FSHR: variants seen among roughly 807,000 people sequenced by gnomAD.
FSHR encodes follicle stimulating hormone receptor, also known as follicle-stimulating hormone receptor.
A neutral mutation model predicts 52.1 loss-of-function variants in FSHR; 46 were observed. The observed-to-expected ratio is 0.88, with a 90% CI of 0.70 to 1.13. The LOEUF is 1.13. Among genes scored for constraint, FSHR ranks in the 50% most tolerant of loss-of-function variants. The pLI, the probability that FSHR is intolerant of heterozygous loss-of-function variation, is 0.00. For synonymous variants in FSHR, 399 were observed against 309.6 expected (o/e 1.29, Z -3.03); for missense variants, 964 against 834.6 (o/e 1.16, Z -1.91).
In FSHR at chr2:49,154,502, A is replaced by G; in HGVS notation, c.-85T>C. 3 of 1,382,598 alleles carry G rather than the reference A, an allele frequency of 2.2e-6. No individual in the cohort carries two copies. The highest frequency in any genetic ancestry group is 3.1e-6 in the Non-Finnish European group (3 of 981,546). 85.6% of individuals were successfully genotyped at this position (1,382,598 alleles called of 1,614,324 possible). A position where few individuals can be genotyped will look rare whatever the true frequency, so the allele number is the denominator to read the frequency against. On this transcript the variant is annotated 5_prime_UTR_variant, in exon 1 of 10. Coordinates refer to ENST00000406846, the MANE Select transcript of FSHR (RefSeq NM_000145.4). ...CTCAGAAGCTCCACACAGTGCCCTT[A>G]TGAGAAGAGATCTGACTTGAGAACT...
chr2:49,050,173 T>C (rs1668803123), intron 2 of FSHR, among the ~76,000 whole-genome samples: 1 of 152,208 alleles, frequency 6.6e-6, no homozygotes, highest in Non-Finnish European at 1.5e-5. Flanking sequence ...ACGTTTGACC[T>C]GGGTCAATAA....
intron 1 of FSHR, among the ~76,000 whole-genome samples, chr2:49,109,119 A>G (rs1354928159): frequency 6.6e-6 from 1 of 152,148 alleles, no homozygotes; most frequent in East Asian, 1.9e-4. Flanking sequence ...ATCTCCACAG[A>G]TAAATTTGAG....
chr2:49,055,948 C>T (rs1572687236), intron 2 of FSHR, among the ~76,000 whole-genome samples: 1 of 152,028 alleles, frequency 6.6e-6, no homozygotes, highest in South Asian at 2.1e-4. Context: ...AAACCAACAT[C>T]ATGACAACAT....
chr2:49,068,181 C>T (rs761428369), intron 2 of FSHR, 38 bp downstream of exon 2: 1 of 1,531,774 alleles, frequency 6.5e-7, no homozygotes, highest in South Asian at 1.1e-5. Flanking sequence ...CCTATAGCCC[C>T]CTTGAGGCAT....
chr2:49,069,420 T>G (rs2103621408), intron 1 of FSHR, among the ~76,000 whole-genome samples: 1 of 152,256 alleles, frequency 6.6e-6, no homozygotes, highest in East Asian at 1.9e-4. Flanking sequence ...TTTAAAATGA[T>G]AATCTCCCAA....
At chr2:48,972,905 T>G (rs1470279657) in intron 8 of FSHR, among the ~76,000 whole-genome samples, 3 of 152,182 alleles carry the variant, frequency 2.0e-5, no homozygotes. Flanking sequence ...GAGAAACAAA[T>G]TTTTATACTC....
At chr2:48,994,067 A>T (rs1278041511) in intron 4 of FSHR, among the ~76,000 whole-genome samples, 2 of 152,132 alleles carry the variant, frequency 1.3e-5, no homozygotes, top group African/African-American at 4.8e-5. Flanking sequence ...TTTCCCTGAA[A>T]ACCCAATGTT....
At position 49,154,429 on chromosome 2, in the gene FSHR, C is replaced by G. The variant is rs976201754; in HGVS notation, c.-12G>C. The G allele has an allele frequency of 5.6e-6, 9 of 1,611,796 alleles. No individual in the cohort carries two copies. The highest frequency in any genetic ancestry group is 4.0e-5 in the African/African-American group (3 of 74,846). ...AGGAGCAGGGCCATAATTATGCATC[C>G]ATCCACCTGATTTCTTCCTGCATTT... is the stretch of plus-strand genomic sequence containing the variant. On this transcript the variant is annotated 5_prime_UTR_variant, in exon 1 of 10. The change abolishes an upstream ATG in the 5' untranslated region. Transcript: ENST00000406846.
At chr2:48,977,543 CCACACTATCACTT>C (rs1675046905) in intron 8 of FSHR, among the ~76,000 whole-genome samples, 1 of 151,970 alleles carries the variant, frequency 6.6e-6, no homozygotes, top group Admixed American at 6.6e-5. Flanking sequence ...CTGTCTCCTC[CCACACTATCACTT>C]CACGTGTTAA....
At chr2:49,084,473 G>A (rs1316346291) in intron 1 of FSHR, among the ~76,000 whole-genome samples, 1 of 152,140 alleles carries the variant, frequency 6.6e-6, no homozygotes, top group African/African-American at 2.4e-5. Flanking sequence ...AAAGCTAGCA[G>A]AAGGCAAGAA....
At chr2:48,992,368 G>C (rs1298802387) in intron 4 of FSHR, among the ~76,000 whole-genome samples, 2 of 152,020 alleles carry the variant, frequency 1.3e-5, no homozygotes, top group Non-Finnish European at 2.9e-5. Context: ...AGCAACCACT[G>C]ATCAGTTTTC....
chr2:49,136,511 A>T (rs1402583526), intron 1 of FSHR, among the ~76,000 whole-genome samples: 1 of 152,224 alleles, frequency 6.6e-6, no homozygotes, highest in African/African-American at 2.4e-5. Flanking sequence ...CACTCATTCT[A>T]TGAGGCCAGT....
At chr2:49,009,635 G>A (rs919422607) in intron 4 of FSHR, among the ~76,000 whole-genome samples, 2 of 150,180 alleles carry the variant, frequency 1.3e-5, no homozygotes, top group Non-Finnish European at 3.0e-5. Flanking sequence ...CCATTTTCAC[G>A]ATATTGATTC....
Position 48,964,994 on chromosome 2 carries a change from A to C in FSHR, c.855-1028T>G, listed in dbSNP as rs200757026. Among the ~76,000 whole-genome samples the C allele has an allele frequency of 6.0e-3, 150 of 25,106 alleles. 1 individual carries two copies. Among genetic ancestry groups the C allele is most frequent in the African/African-American group, 0.02 (135 of 6,900 alleles). 16.5% of individuals were successfully genotyped at this position (25,106 alleles called of 152,430 possible). A position where few individuals can be genotyped will look rare whatever the true frequency, so the allele number is the denominator to read the frequency against. On this transcript the variant is annotated intron_variant, in intron 9 of 9. Coordinates refer to ENST00000406846, the MANE Select transcript of FSHR (RefSeq NM_000145.4). ...CTTACGTTAGGACCTTTTTGGATGC[A>C]AAAAAAAAAAAAAAATTGTACATAC...
chr2:48,994,647 G>A (rs1001085718), intron 4 of FSHR, among the ~76,000 whole-genome samples: 3 of 152,012 alleles, frequency 2.0e-5, no homozygotes, highest in African/African-American at 7.3e-5. Flanking sequence ...GAGGCTGGAA[G>A]TGGGTAATCA....
chr2:49,081,397 A>T (rs1670163697), intron 1 of FSHR, among the ~76,000 whole-genome samples: 1 of 152,166 alleles, frequency 6.6e-6, no homozygotes, highest in South Asian at 2.1e-4. Flanking sequence ...AGATTTGGCA[A>T]AGCTAAGTGG....
intron 8 of FSHR, among the ~76,000 whole-genome samples, chr2:48,979,879 A>T (rs1296566787): frequency 6.6e-6 from 1 of 151,946 alleles, no homozygotes; most frequent in African/African-American, 2.4e-5. Flanking sequence ...GATCAGCATG[A>T]TTTGCACCTA....
At chr2:48,988,862 T>G (rs1164909345) in intron 6 of FSHR, 115 bp downstream of exon 6, 1 of 790,188 alleles carries the variant, frequency 1.3e-6, no homozygotes. Context: ...GAGAGTGATT[T>G]AAGTGGAGAA....
intron 1 of FSHR, among the ~76,000 whole-genome samples, chr2:49,099,301 T>C (rs1314633332): frequency 6.6e-6 from 1 of 152,104 alleles, no homozygotes; most frequent in East Asian, 1.9e-4. Context: ...CTGGTGGTTT[T>C]ATAAAGGGTT....
Sources: gnomAD v4.1 joint callset for allele counts (sites outside exome capture counted in the v4.1 genomes callset) on GRCh38, gnomAD v4.1.1 for gene constraint, MANE v1.5 for transcripts, NCBI Gene and HGNC (gene_info 2026-07-23, HGNC 2026-07-21) for gene names.